CSMD1: variants seen among roughly 807,000 people sequenced by gnomAD.
CSMD1 encodes the protein CUB and sushi domain-containing protein 1.
CSMD1 carries 213 observed loss-of-function variants against 417.5 expected under a neutral mutation model. The observed-to-expected ratio is 0.51, with a 90% CI of 0.46 to 0.57. The LOEUF is 0.57. Among genes scored for constraint, CSMD1 ranks in the 20% least tolerant of loss-of-function variants. The pLI is 0.00. For synonymous variants in CSMD1, 2,862 were observed against 1,736.8 expected, an observed-to-expected ratio of 1.65 and a Z score of -16.11; for missense variants, 6,923 against 4,529.7, an observed-to-expected ratio of 1.53 and a Z score of -15.17.
intron 1 of CSMD1, among the ~76,000 whole-genome samples, chr8:4,780,492 C>T (rs4875382): frequency 0.084 from 12,761 of 152,128 alleles, 670 homozygotes; most frequent in East Asian, 0.28. Context: ...GCCCTTTTAA[C>T]CTTTTATCTG....
At chr8:4,299,365 G>C (rs892182792) in intron 3 of CSMD1, among the ~76,000 whole-genome samples, 5 of 152,118 alleles carry the variant, frequency 3.3e-5, no homozygotes, top group Admixed American at 6.5e-5. Context: ...CATATTGTAA[G>C]TGTCTGAAGT....
Position 4,849,371 on chromosome 8 carries a change from T to TTTTTTCTTTATTCAATA in CSMD1, c.85+144944_85+144960dup, listed in dbSNP as rs1801331302. Among the ~76,000 whole-genome samples, 9 of 152,142 alleles carry TTTTTTCTTTATTCAATA rather than the reference T, an allele frequency of 5.9e-5. 1 individual carries two copies. The South Asian group carries it at 1.7e-3, about 28-fold the overall frequency. ...GTTAATTTAATAAACTGAAGTTAAT[T>TTTTTTCTTTATTCAATA]TTTTTCTTTATTCAATAGAATAAAG... On this transcript the variant is annotated intron_variant, in intron 1 of 69. Transcript: ENST00000635120.
chr8:4,729,301 G>C (rs976729526), intron 1 of CSMD1, among the ~76,000 whole-genome samples: 7 of 152,100 alleles, frequency 4.6e-5, no homozygotes, highest in African/African-American at 1.4e-4. Context: ...TGCAGTCATC[G>C]ATGATCCACA....
chr8:4,012,058 T>G (rs1014353742), intron 4 of CSMD1, among the ~76,000 whole-genome samples: 1 of 152,138 alleles, frequency 6.6e-6, no homozygotes, highest in Non-Finnish European at 1.5e-5. Flanking sequence ...TCGGTACAGA[T>G]GCAGCCATCA....
chr8:3,962,165 G>C (rs1363665275), intron 5 of CSMD1, among the ~76,000 whole-genome samples: 1 of 152,060 alleles, frequency 6.6e-6, no homozygotes, highest in Non-Finnish European at 1.5e-5. Flanking sequence ...TCATAGACCT[G>C]CTCTGCTGAG....
At chr8:3,300,192 A>C (rs570474873) in intron 25 of CSMD1, among the ~76,000 whole-genome samples, 35 of 152,366 alleles carry the variant, frequency 2.3e-4, no homozygotes, top group Non-Finnish European at 4.4e-4. Context: ...TTATTAACTC[A>C]AAATAAATGT....
rs546378379 is a variant in CSMD1 at position 3,930,134 on chromosome 8, C to A, written c.818+67769G>T. On this transcript the variant is annotated intron_variant, in intron 5 of 69. Coordinates refer to ENST00000635120, the MANE Select transcript of CSMD1 (RefSeq NM_033225.6). ...CTGGGAAAACCTACAAAAGCAGTACCCTACCATTGTAAATAAGCTCTATTC... is the reference window on the plus strand; with the variant it reads ...CTGGGAAAACCTACAAAAGCAGTACACTACCATTGTAAATAAGCTCTATTC... 2.0e-5 allele frequency among the ~76,000 whole-genome samples: 3 copies of A among 150,084 alleles called. No individual in the cohort carries two copies. The South Asian group carries it at 6.5e-4, about 33-fold the overall frequency.
chr8:3,179,132 A>AGG (rs1821135977), intron 37 of CSMD1, among the ~76,000 whole-genome samples: 1 of 150,968 alleles, frequency 6.6e-6, no homozygotes, highest in East Asian at 2.0e-4. Flanking sequence ...TTTTTAGTAG[A>AGG]TACGGGGTTT....
intron 12 of CSMD1, among the ~76,000 whole-genome samples, chr8:3,430,262 T>G (rs1471469359): frequency 2.0e-5 from 3 of 152,146 alleles, no homozygotes; most frequent in African/African-American, 7.2e-5. Flanking sequence ...ATCATTATTA[T>G]CAATATGAAT....
chr8:3,741,974 T>A (rs1265481077), intron 6 of CSMD1, among the ~76,000 whole-genome samples: 1 of 117,232 alleles, frequency 8.5e-6, no homozygotes, highest in African/African-American at 3.3e-5. Context: ...TTCCAAAGAA[T>A]CTTGGTTTTT....
At position 4,200,720 on chromosome 8, in the gene CSMD1, G is replaced by T. The variant is rs1253044991; in HGVS notation, c.416-168621C>A. On this transcript the variant is annotated intron_variant, in intron 3 of 69. Transcript: ENST00000635120. ...AACATAACAATTAAAAAACTAGCCAGACATGGTTGTGTGTATCTGTAGTCC... is the reference window on the plus strand; with the variant it reads ...AACATAACAATTAAAAAACTAGCCATACATGGTTGTGTGTATCTGTAGTCC... Among the ~76,000 whole-genome samples the T allele has an allele frequency of 2.6e-5, 4 of 152,226 alleles. No homozygotes were observed. In the South Asian group the frequency reaches 8.3e-4, roughly 32 times the overall value.
At chr8:3,268,166 T>A (rs925311579) in intron 26 of CSMD1, among the ~76,000 whole-genome samples, 1 of 151,970 alleles carries the variant, frequency 6.6e-6, no homozygotes, top group African/African-American at 2.4e-5. Context: ...AATGAATGAA[T>A]GAATGAGTGA....
chr8:4,602,636 C>T (rs1001935619), intron 2 of CSMD1, among the ~76,000 whole-genome samples: 3 of 152,136 alleles, frequency 2.0e-5, no homozygotes, highest in African/African-American at 4.8e-5. Context: ...GGCGTATTTT[C>T]TTATCATGTT....
At chr8:4,097,842 A>T (rs558708614) in intron 3 of CSMD1, among the ~76,000 whole-genome samples, 8 of 152,336 alleles carry the variant, frequency 5.3e-5, no homozygotes, top group African/African-American at 1.9e-4. Flanking sequence ...TGTTTCAGAC[A>T]ACGTTCTATT....
chr8:3,934,645 G>A (rs1315876603), intron 5 of CSMD1, among the ~76,000 whole-genome samples: 1 of 152,074 alleles, frequency 6.6e-6, no homozygotes, highest in Non-Finnish European at 1.5e-5. Context: ...CCTCAGGTCA[G>A]GAGTTCGAGA....
chr8:3,858,982 T>G (rs1270005835), intron 5 of CSMD1, among the ~76,000 whole-genome samples: 2 of 152,208 alleles, frequency 1.3e-5, no homozygotes, highest in Non-Finnish European at 2.9e-5. Flanking sequence ...CATCAATCCC[T>G]TCTTCTACTC....
chr8:4,448,084 TTC>T (rs1798922112), intron 2 of CSMD1, among the ~76,000 whole-genome samples: 1 of 152,220 alleles, frequency 6.6e-6, no homozygotes, highest in African/African-American at 2.4e-5. Context: ...CCAGTGGAAA[TTC>T]TGTTCCCTTC....
intron 49 of CSMD1, among the ~76,000 whole-genome samples, chr8:3,058,972 A>C (rs1812410790): frequency 6.6e-6 from 1 of 152,032 alleles, no homozygotes; most frequent in Non-Finnish European, 1.5e-5. Flanking sequence ...TCTCTTTAAA[A>C]GGAAGGTGTG....
At chr8:3,027,826 C>T (rs895047429) in intron 51 of CSMD1, among the ~76,000 whole-genome samples, 4 of 152,226 alleles carry the variant, frequency 2.6e-5, no homozygotes, top group African/African-American at 7.2e-5. Flanking sequence ...CGTTCAAGGA[C>T]AGCAGAGCTC....
Sources: allele counts gnomAD v4.1 joint callset (sites outside exome capture counted in the v4.1 genomes callset), GRCh38; gene constraint gnomAD v4.1.1; transcripts MANE v1.5; gene names NCBI Gene and HGNC (gene_info 2026-07-23, HGNC 2026-07-21).